The following DNHD1 variants were observed in gnomAD, a reference collection of about 807,000 sequenced individuals.
DNHD1 encodes dynein heavy chain domain 1.
DNHD1 carries 383 observed loss-of-function variants against 458.1 expected under a neutral mutation model. The observed-to-expected ratio is 0.84, with a 90% confidence interval of 0.77 to 0.91. DNHD1 has a LOEUF of 0.91. Among genes scored for constraint, DNHD1 ranks in the 40% least tolerant of loss-of-function variants. The pLI, the probability that DNHD1 is intolerant of heterozygous loss-of-function variation, is 0.00. For missense variants in DNHD1, 5,336 were observed against 5,866.1 expected, an observed-to-expected ratio of 0.91 and a Z score of 2.95; for synonymous variants, 2,203 against 2,376.9, an observed-to-expected ratio of 0.93 and a Z score of 2.13.
At chr11:6,511,497 T>C (rs1410894262) in intron 7 of DNHD1, 68 bp downstream of exon 7, 15 of 1,553,862 alleles carry the variant, frequency 9.7e-6, no homozygotes. Flanking sequence ...CAGCCTCCTC[T>C]TAGTTAAGTT....
chr11:6,569,016 T>G, intron 39 of DNHD1, 150 bp downstream of exon 39: 1 of 1,026,450 alleles, frequency 9.7e-7, no homozygotes, highest in South Asian at 1.7e-5. Context: ...CCAAAGACTT[T>G]GAGATTTTAC....
At position 6,564,613 on chromosome 11, in the gene DNHD1, A is replaced by T. The variant is rs1853658103; in HGVS notation, c.10565A>T (p.Gln3522Leu). ...SLLSSESEQYQWDGNLKPQAK... is the reference protein window; with the variant it reads ...SLLSSESEQYLWDGNLKPQAK... ...CTGAGCTCTGAATCGGAGCAGTACC[A>T]GTGGGATGGAAACCTGAAGCCACAG... Residue 3522 changes from glutamine to leucine, a missense_variant, in exon 32 of 43, where the codon CAG becomes CTG. Around this residue, in one of 4 missense-constraint regions of DNHD1, gnomAD observed 3,932 missense variants for 4,365.6 expected, o/e 0.90. Coordinates refer to ENST00000254579, the MANE Select transcript of DNHD1 (RefSeq NM_144666.3). 3.2e-6 allele frequency: 5 copies of T among 1,551,720 alleles called. No individual in the cohort carries two copies. The highest frequency in any genetic ancestry group is 4.4e-6 in the Non-Finnish European group (5 of 1,147,000).
Position 6,547,134 on chromosome 11 carries a change from TAAC to T in DNHD1, c.6200_6202del (p.Asn2067del). ...AGGTACTTCGTGCAGCCGGTCAGTG[TAAC>T]AACATGGGCCAAAAGAGGCAGACAG... On this transcript the variant is annotated inframe_deletion, in exon 21 of 43. Transcript: ENST00000254579. 6.4e-7 allele frequency: 1 copy of T among 1,551,696 alleles called. No individual in the cohort carries two copies. Among genetic ancestry groups the T allele is most frequent in the Non-Finnish European group, 8.7e-7 (1 of 1,146,994 alleles).
chr11:6,539,183 C>A (rs894573334), intron 16 of DNHD1, 36 bp from the exon 17 acceptor site: 4 of 1,418,646 alleles, frequency 2.8e-6, no homozygotes, highest in East Asian at 2.5e-5. Context: ...CTGCCACATA[C>A]TGGGTGTTGC....
chr11:6,567,226 A>G lies in DNHD1; in HGVS notation c.11717A>G (p.His3906Arg), dbSNP rs759084468. 21 of 1,613,872 alleles carry G rather than the reference A, an allele frequency of 1.3e-5. No individual in the cohort carries two copies. Among genetic ancestry groups the G allele is most frequent in the Admixed American group, 5.0e-5 (3 of 60,010 alleles). Reference protein sequence around the residue: ...EINHGEDLASHLLQLRAHLTR... With the variant: ...EINHGEDLASRLLQLRAHLTR... ...AATCACGGGGAGGACCTGGCCAGCC[A>G]TCTACTGCAATTGAGAGCACACCTG... The change falls in exon 36 of 43, where the codon CAT becomes CGT. Residue 3906 changes from histidine (H) to arginine (R), a missense_variant. Around this residue, in one of 4 missense-constraint regions of DNHD1, gnomAD observed 695 missense variants for 804.2 expected, o/e 0.86. Transcript: ENST00000254579.
intron 24 of DNHD1, among the ~76,000 whole-genome samples, chr11:6,550,532 A>G (rs1853317355): frequency 6.6e-6 from 1 of 152,184 alleles, no homozygotes; most frequent in South Asian, 2.1e-4. Context: ...ACATGCCAAC[A>G]AAAACCCCCA....
At position 6,544,847 on chromosome 11, in the gene DNHD1, T is replaced by C. The variant is rs1173407884; in HGVS notation, c.3908T>C (p.Val1303Ala). The change falls in exon 21 of 43, where the codon GTA (valine) becomes GCA (alanine). Residue 1303 changes from valine to alanine, a missense_variant. Coordinates refer to ENST00000254579, the MANE Select transcript of DNHD1 (RefSeq NM_144666.3). ...DQYRTLMRIS[V>A]ADPMVLSLVV... The stretch of plus-strand genomic sequence containing the variant: ...TATCGAACCCTGATGCGCATCTCTG[T>C]AGCTGACCCCATGGTTCTGTCACTT... 3 of 1,551,570 alleles carry C rather than the reference T, an allele frequency of 1.9e-6. No individual in the cohort carries two copies. Among genetic ancestry groups the C allele is most frequent in the African/African-American group, 1.4e-5 (1 of 73,050 alleles).
chr11:6,568,914 T>A, intron 39 of DNHD1, 48 bp downstream of exon 39: 1 of 1,544,300 alleles, frequency 6.5e-7, no homozygotes. Flanking sequence ...TCAACAAACA[T>A]TGAGTATCTT....
In DNHD1 at chr11:6,562,587, A is replaced by G. The variant is rs565682524; in HGVS notation, c.9520-395A>G. On this transcript the variant is annotated intron_variant, in intron 28 of 42. Coordinates refer to ENST00000254579, the MANE Select transcript of DNHD1 (RefSeq NM_144666.3). Reference sequence around the variant, plus strand: ...AGGAAGAGAATGAGAAAGAGCAGCCAGAGAAGTTAGAGAAAGCCCAAGGAG... The same window carrying G: ...AGGAAGAGAATGAGAAAGAGCAGCCGGAGAAGTTAGAGAAAGCCCAAGGAG... Among the ~76,000 whole-genome samples the G allele has an allele frequency of 1.7e-4, 26 of 152,312 alleles. 1 individual carries two copies. In the East Asian group the frequency reaches 5.0e-3, roughly 29 times the overall value.
At chr11:6,527,999 C>T (rs1057345095) in intron 10 of DNHD1, among the ~76,000 whole-genome samples, 1 of 152,228 alleles carries the variant, frequency 6.6e-6, no homozygotes, top group Non-Finnish European at 1.5e-5. Flanking sequence ...CCAGACTCGC[C>T]TGCAGCTAGG....
At chr11:6,528,844 A>G (rs1243875968) in intron 11 of DNHD1, 34 bp from the exon 12 acceptor site, 2 of 1,550,436 alleles carry the variant, frequency 1.3e-6, no homozygotes, top group East Asian at 2.4e-5. Context: ...TTATAGCCGC[A>G]TGCCTCTGCC....
chr11:6,512,699 TC>T (rs1205466298), intron 7 of DNHD1, among the ~76,000 whole-genome samples: 1 of 152,218 alleles, frequency 6.6e-6, no homozygotes, highest in East Asian at 1.9e-4. Context: ...TTTTCCTTTT[TC>T]TGTCTTCCTT....
At chr11:6,542,865 T>C (rs1315766300) in intron 18 of DNHD1, among the ~76,000 whole-genome samples, 5 of 152,232 alleles carry the variant, frequency 3.3e-5, no homozygotes, top group African/African-American at 9.6e-5. Flanking sequence ...TTATGTATCA[T>C]GTTGGCAGAC....
chr11:6,566,004 C>A lies in DNHD1; in HGVS notation c.11053+13C>A. Reference sequence around the variant, plus strand: ...GCAGCTGCTTGTGGTGAGAGCTGGTCCCCACCCACCCTGGCCCCTTTTTGA... The same window carrying A: ...GCAGCTGCTTGTGGTGAGAGCTGGTACCCACCCACCCTGGCCCCTTTTTGA... On this transcript the variant is annotated intron_variant, in intron 33 of 42. Transcript: ENST00000254579. The A allele has an allele frequency of 1.1e-6, 1 of 927,856 alleles. No homozygotes were observed. The highest frequency in any genetic ancestry group is 1.4e-5 in the South Asian group (1 of 71,222). 57.5% of individuals were successfully genotyped at this position (927,856 alleles called of 1,614,324 possible). A position where few individuals can be genotyped will look rare whatever the true frequency, so the allele number is the denominator to read the frequency against.
chr11:6,554,646 A>G (rs1046331841), intron 24 of DNHD1, among the ~76,000 whole-genome samples: 1 of 152,198 alleles, frequency 6.6e-6, no homozygotes, highest in Non-Finnish European at 1.5e-5. Flanking sequence ...ACTTCACAAA[A>G]GATGTATGAG....
At chr11:6,513,297 T>C (rs1362552123) in intron 7 of DNHD1, among the ~76,000 whole-genome samples, 1 of 152,212 alleles carries the variant, frequency 6.6e-6, no homozygotes, top group African/African-American at 2.4e-5. Context: ...TTTGTATTGC[T>C]ATATATTTGT....
intron 9 of DNHD1, 27 bp from the exon 10 acceptor site, chr11:6,520,211 G>T (rs1297990241): frequency 1.3e-6 from 2 of 1,571,686 alleles, no homozygotes; most frequent in Non-Finnish European, 1.7e-6. Flanking sequence ...TCCCATTTCT[G>T]CCCCTTCTCC....
intron 14 of DNHD1, among the ~76,000 whole-genome samples, chr11:6,534,626 C>T (rs1413491703): frequency 1.3e-5 from 2 of 152,196 alleles, no homozygotes; most frequent in African/African-American, 4.8e-5. Context: ...CTGAGGGCCT[C>T]ACTAATACAC....
chr11:6,546,984 G>A lies in DNHD1; in HGVS notation c.6045G>A (p.Met2015Ile), dbSNP rs1853233279. ...AGATCCAGAATCGGCTGGCAGCCAT[G>A]GAGGACACCTCAACCCAAGGCTGCC... ...LFKIQNRLAA[M>I]EDTSTQGCQP... is the part of the protein sequence containing the mutation. Residue 2015 changes from methionine to isoleucine, a missense_variant, in exon 21 of 43, where the codon ATG (methionine) becomes ATA (isoleucine). Coordinates refer to ENST00000254579, the MANE Select transcript of DNHD1 (RefSeq NM_144666.3). 1.3e-6 allele frequency: 2 copies of A among 1,551,334 alleles called. No homozygotes were observed. Among genetic ancestry groups the A allele is most frequent in the Non-Finnish European group, 1.7e-6 (2 of 1,146,878 alleles).
Sources: allele counts gnomAD v4.1 joint callset (sites outside exome capture counted in the v4.1 genomes callset), GRCh38; gene constraint gnomAD v4.1.1; regional missense constraint gnomAD v4.1.1; transcripts MANE v1.5; gene names NCBI Gene and HGNC (gene_info 2026-07-23, HGNC 2026-07-21).